ABCB5: variants seen among roughly 807,000 people sequenced by gnomAD.
The protein encoded by ABCB5 is ATP binding cassette subfamily B member 5.
ABCB5 carries 155 observed loss-of-function variants against 144.2 expected under a neutral mutation model. That is an observed-to-expected ratio of 1.08 (90% CI 0.94 to 1.23). The LOEUF is 1.23. Among genes scored for constraint, ABCB5 ranks in the 50% most tolerant of loss-of-function variants. ABCB5 has a pLI of 0.00. For missense variants in ABCB5, 1,830 were observed against 1,520.8 expected, an observed-to-expected ratio of 1.20 and a Z score of -3.38; for synonymous variants, 610 against 528.6, an observed-to-expected ratio of 1.15 and a Z score of -2.11.
Position 20,681,541 on chromosome 7 carries a change from C to T in ABCB5, c.1744C>T (p.Arg582Ter), listed in dbSNP as rs764060621. 58 of 1,613,992 alleles carry T rather than the reference C, an allele frequency of 3.6e-5. No individual in the cohort carries two copies. The highest frequency in any genetic ancestry group is 5.5e-5 in the South Asian group (5 of 91,074). The part of the protein sequence containing the change: ...KGRTTIVVAH[R>*]LSTIRSADLI... ...TCGGACTACAATCGTGGTAGCACACCGACTTTCTACTATTCGAAGTGCAGA... is the reference window on the plus strand; with the variant it reads ...TCGGACTACAATCGTGGTAGCACACTGACTTTCTACTATTCGAAGTGCAGA... Residue 582 changes from arginine (R) to a stop codon, truncating the protein, a stop_gained, in exon 15 of 28, where the codon CGA (arginine) becomes TGA (stop). Transcript: ENST00000404938. LOFTEE classifies it high-confidence loss of function.
At chr7:20,669,069 T>C (rs1749748429) in intron 14 of ABCB5, among the ~76,000 whole-genome samples, 2 of 147,040 alleles carry the variant, frequency 1.4e-5, no homozygotes, top group South Asian at 4.5e-4. Flanking sequence ...GGAGCCCCTC[T>C]GCCTGGCCAG....
At chr7:20,718,912 G>A (rs1039071658) in intron 20 of ABCB5, among the ~76,000 whole-genome samples, 8 of 152,028 alleles carry the variant, frequency 5.3e-5, no homozygotes, top group Non-Finnish European at 1.2e-4. Context: ...GTGTAAGTAG[G>A]TGTAAATGAG....
intron 13 of ABCB5, among the ~76,000 whole-genome samples, chr7:20,656,916 T>C (rs946705086): frequency 8.0e-5 from 8 of 99,716 alleles, no homozygotes; most frequent in Non-Finnish European, 1.5e-4. Flanking sequence ...CTTTTTCTTT[T>C]TTTTTTTTTT....
intron 14 of ABCB5, among the ~76,000 whole-genome samples, chr7:20,660,624 G>A (rs6948334): frequency 0.13 from 19,845 of 152,104 alleles, 1,324 homozygotes; most frequent in African/African-American, 0.14. Context: ...GCCCTTGGAG[G>A]GGGCCCTGGG....
intron 1 of ABCB5, among the ~76,000 whole-genome samples, chr7:20,617,530 C>T (rs1217974509): frequency 6.6e-6 from 1 of 152,066 alleles, no homozygotes; most frequent in Non-Finnish European, 1.5e-5. Flanking sequence ...ATAAGTAGTG[C>T]CTTCTGTTTC....
At chr7:20,689,127 T>TAAG (rs1414367944) in intron 16 of ABCB5, among the ~76,000 whole-genome samples, 1 of 151,882 alleles carries the variant, frequency 6.6e-6, no homozygotes, top group African/African-American at 2.4e-5. Flanking sequence ...AATAAAATAA[T>TAAG]AATAATAATA....
chr7:20,666,913 T>C, intron 14 of ABCB5: 1 of 1,299,444 alleles, frequency 7.7e-7, no homozygotes, highest in African/African-American at 1.5e-5. Flanking sequence ...GATCAGTTTT[T>C]TAGCAGGCTT....
chr7:20,741,570 T>A (rs1341976749), intron 24 of ABCB5, among the ~76,000 whole-genome samples: 1 of 34,172 alleles, frequency 2.9e-5, no homozygotes. Context: ...TCCTTCCAGA[T>A]TTTTTTTTTC....
chr7:20,726,940 T>C, intron 21 of ABCB5, 100 bp from the exon 22 acceptor site: 1 of 656,278 alleles, frequency 1.5e-6, no homozygotes, highest in Non-Finnish European at 2.4e-6. Flanking sequence ...TGACTTGATA[T>C]ACTTAATATG....
intron 25 of ABCB5, among the ~76,000 whole-genome samples, chr7:20,743,839 A>C (rs1447204878): frequency 1.3e-5 from 2 of 152,050 alleles, no homozygotes; most frequent in African/African-American, 2.4e-5. Flanking sequence ...GACTCAAGGG[A>C]GTCCTAAAGG....
At chr7:20,631,134 A>G (rs1353459973) in intron 4 of ABCB5, among the ~76,000 whole-genome samples, 1 of 152,124 alleles carries the variant, frequency 6.6e-6, no homozygotes, top group Non-Finnish European at 1.5e-5. Flanking sequence ...ACTTTCCAAA[A>G]TATTACCTCT....
chr7:20,637,941 A>C (rs1038676648), intron 5 of ABCB5, among the ~76,000 whole-genome samples: 1 of 152,118 alleles, frequency 6.6e-6, no homozygotes, highest in African/African-American at 2.4e-5. Context: ...GGGTGGCTTC[A>C]TTTCTTGATG....
At chr7:20,684,726 A>G (rs1785936522) in intron 15 of ABCB5, among the ~76,000 whole-genome samples, 1 of 152,242 alleles carries the variant, frequency 6.6e-6, no homozygotes, top group Non-Finnish European at 1.5e-5. Flanking sequence ...AGATGTTTGG[A>G]TAGTCCGGGG....
At chr7:20,681,058 C>CTCTT (rs869158355) in intron 14 of ABCB5, among the ~76,000 whole-genome samples, 532 of 47,406 alleles carry the variant, frequency 0.011, 6 homozygotes, top group Middle Eastern at 0.021. Context: ...CTCTCTCTCT[C>CTCTT]TCTTTCTTTC....
At chr7:20,645,267 T>A (rs558352087) in intron 7 of ABCB5, among the ~76,000 whole-genome samples, 6 of 152,344 alleles carry the variant, frequency 3.9e-5, no homozygotes, top group African/African-American at 1.4e-4. Flanking sequence ...TTATCTTTAG[T>A]AAGTGAATTC....
intron 24 of ABCB5, among the ~76,000 whole-genome samples, chr7:20,739,561 C>T (rs1304334573): frequency 1.3e-5 from 2 of 151,858 alleles, no homozygotes; most frequent in African/African-American, 4.8e-5. Flanking sequence ...ACCTCTACAA[C>T]TAAAATTTAT....
At chr7:20,661,477 A>G (rs1461135134) in intron 14 of ABCB5, among the ~76,000 whole-genome samples, 3 of 151,484 alleles carry the variant, frequency 2.0e-5, no homozygotes, top group African/African-American at 7.3e-5. Flanking sequence ...GACTTCGATG[A>G]GTGTGATCCA....
intron 24 of ABCB5, among the ~76,000 whole-genome samples, chr7:20,740,565 G>C (rs1782530282): frequency 6.6e-6 from 1 of 152,050 alleles, no homozygotes; most frequent in Non-Finnish European, 1.5e-5. Flanking sequence ...TTGTATTTTG[G>C]AAAGTAAAGG....
chr7:20,698,374 C>G, intron 16 of ABCB5, 33 bp from the exon 17 acceptor site: 5 of 1,534,844 alleles, frequency 3.3e-6, no homozygotes, highest in Non-Finnish European at 4.4e-6. Context: ...TGCACACAAA[C>G]TGGCATTTTT....
Sources: allele counts gnomAD v4.1 joint callset (sites outside exome capture counted in the v4.1 genomes callset), GRCh38; gene constraint gnomAD v4.1.1; transcripts MANE v1.5; gene names NCBI Gene and HGNC (gene_info 2026-07-23, HGNC 2026-07-21).